The following EPHA3 variants were observed in gnomAD, a reference collection of about 807,000 sequenced individuals.
The protein encoded by EPHA3 is EPH receptor A3, also known as ephrin type-A receptor 3.
Under a neutral mutation model 107.1 loss-of-function variants are expected in EPHA3, and 42 were observed. The observed-to-expected ratio is 0.39, with a 90% CI of 0.31 to 0.51. The LOEUF (loss-of-function observed/expected upper bound fraction) is 0.51. EPHA3 is among the 20% of genes least tolerant of loss of function. EPHA3 has a pLI of 0.78. For missense variants in EPHA3, 1,183 were observed against 1,211.2 expected (o/e 0.98, Z 0.35); for synonymous variants, 461 against 424.8 (o/e 1.09, Z -1.05).
chr3:89,343,115 G>A (rs1385890196), intron 5 of EPHA3, among the ~76,000 whole-genome samples: 1 of 152,138 alleles, frequency 6.6e-6, no homozygotes, highest in Admixed American at 6.5e-5. Flanking sequence ...ATCAGAATGT[G>A]TCCTGGATGC....
chr3:89,476,585 TTTTATTTATTTA>T (rs60237041), intron 16 of EPHA3, among the ~76,000 whole-genome samples: 11,521 of 129,012 alleles, frequency 0.089, 585 homozygotes, highest in Middle Eastern at 0.16. Context: ...CTATTATTAT[TTTTATTTATTTA>T]TTTATTTATT....
chr3:89,359,679 G>A (rs1243926005), intron 5 of EPHA3, among the ~76,000 whole-genome samples: 7 of 147,704 alleles, frequency 4.7e-5, no homozygotes, highest in Non-Finnish European at 1.1e-4. Flanking sequence ...TATATTGTGT[G>A]TGTGTGTGTA....
intron 2 of EPHA3, among the ~76,000 whole-genome samples, chr3:89,208,548 G>GAGAA (rs1278568025): frequency 2.1e-5 from 3 of 143,636 alleles, no homozygotes; most frequent in Non-Finnish European, 3.1e-5. Flanking sequence ...AAAAAAGAAA[G>GAGAA]AGAAAGAAAG....
intron 2 of EPHA3, among the ~76,000 whole-genome samples, chr3:89,194,041 A>T (rs1179845386): frequency 1.3e-5 from 2 of 152,030 alleles, no homozygotes; most frequent in African/African-American, 2.4e-5. Flanking sequence ...GATAATTTTC[A>T]AAGTAGAATA....
intron 8 of EPHA3, 90 bp downstream of exon 8, chr3:89,407,461 T>C: frequency 1.0e-6 from 1 of 992,518 alleles, no homozygotes; most frequent in Non-Finnish European, 1.5e-6. Flanking sequence ...GTGTGCTCAA[T>C]AAAATATTTT....
At chr3:89,450,393 T>C (rs1262587376) in intron 15 of EPHA3, 23 bp downstream of exon 15, 7 of 1,589,598 alleles carry the variant, frequency 4.4e-6, no homozygotes, top group Non-Finnish European at 6.0e-6. Context: ...ATTTGTTATC[T>C]GGCATTCACT....
At chr3:89,255,962 A>G (rs1419011210) in intron 3 of EPHA3, among the ~76,000 whole-genome samples, 1 of 151,992 alleles carries the variant, frequency 6.6e-6, no homozygotes, top group Non-Finnish European at 1.5e-5. Context: ...GGTGGCTTAC[A>G]CCTGTCTGTA....
intron 3 of EPHA3, among the ~76,000 whole-genome samples, chr3:89,269,593 AT>A (rs1187508074): frequency 4.5e-4 from 67 of 149,054 alleles, no homozygotes; most frequent in South Asian, 6.4e-4. Context: ...AGTGACAACA[AT>A]TTTTTTTTCT....
intron 5 of EPHA3, among the ~76,000 whole-genome samples, chr3:89,387,481 C>G (rs1708644569): frequency 6.6e-6 from 1 of 152,136 alleles, no homozygotes; most frequent in African/African-American, 2.4e-5. Context: ...GTAACTATGT[C>G]AATTAAGCCT....
intron 13 of EPHA3, among the ~76,000 whole-genome samples, chr3:89,436,047 G>A (rs1010445783): frequency 2.6e-5 from 4 of 151,736 alleles, no homozygotes; most frequent in Non-Finnish European, 5.9e-5. Flanking sequence ...AGGCTGAGGT[G>A]GAAAGATCAC....
At chr3:89,240,225 T>A (rs1040850160) in intron 3 of EPHA3, among the ~76,000 whole-genome samples, 3 of 152,340 alleles carry the variant, frequency 2.0e-5, no homozygotes, top group African/African-American at 7.2e-5. Flanking sequence ...TTTTCTGTTT[T>A]GTTTTTTGTG....
intron 5 of EPHA3, among the ~76,000 whole-genome samples, chr3:89,387,036 G>C (rs1708636132): frequency 6.6e-6 from 1 of 152,168 alleles, no homozygotes; most frequent in Admixed American, 6.5e-5. Flanking sequence ...AGGCAGAAAG[G>C]ACTTGACTTG....
chr3:89,312,069 A>G (rs1706776946), intron 3 of EPHA3, among the ~76,000 whole-genome samples: 1 of 152,072 alleles, frequency 6.6e-6, no homozygotes, highest in South Asian at 2.1e-4. Context: ...TATATAGTTT[A>G]TCAAATCTTT....
chr3:89,174,729 A>G (rs1705282952), intron 2 of EPHA3, among the ~76,000 whole-genome samples: 1 of 152,042 alleles, frequency 6.6e-6, no homozygotes, highest in Non-Finnish European at 1.5e-5. Context: ...AAGTTAAATT[A>G]TGAAATATAT....
intron 13 of EPHA3, among the ~76,000 whole-genome samples, chr3:89,434,787 AT>A (rs1301281013): frequency 6.6e-6 from 1 of 152,184 alleles, no homozygotes; most frequent in Non-Finnish European, 1.5e-5. Context: ...GGCTCTTTGC[AT>A]TTCTGTTCCA....
At chr3:89,352,062 A>C (rs1707836592) in intron 5 of EPHA3, among the ~76,000 whole-genome samples, 1 of 151,246 alleles carries the variant, frequency 6.6e-6, no homozygotes, top group Admixed American at 6.6e-5. Context: ...TATTTAAAAG[A>C]GAGAACGTGA....
At chr3:89,472,720 A>G (rs1353431712) in intron 16 of EPHA3, 101 bp downstream of exon 16, 2 of 1,343,884 alleles carry the variant, frequency 1.5e-6, no homozygotes, top group Non-Finnish European at 2.0e-6. Flanking sequence ...TGTTACAAAT[A>G]TTAGTGGTAG....
intron 2 of EPHA3, among the ~76,000 whole-genome samples, chr3:89,135,762 GA>G (rs11369116): frequency 1.4e-4 from 21 of 147,876 alleles, no homozygotes; most frequent in African/African-American, 4.7e-4. Context: ...AAGTTTAACT[GA>G]AAAAAAAAAC....
chr3:89,360,819 A>G (rs1559664194), intron 5 of EPHA3, among the ~76,000 whole-genome samples: 1 of 151,150 alleles, frequency 6.6e-6, no homozygotes, highest in Non-Finnish European at 1.5e-5. Flanking sequence ...ATTATGTCAT[A>G]ACTAATCAAA....
Sources: allele counts gnomAD v4.1 joint callset (sites outside exome capture counted in the v4.1 genomes callset), GRCh38; gene constraint gnomAD v4.1.1; transcripts MANE v1.5; gene names NCBI Gene and HGNC (gene_info 2026-07-23, HGNC 2026-07-21).